NKAIN2: variants seen among roughly 807,000 people sequenced by gnomAD.
NKAIN2 encodes the protein sodium/potassium transporting ATPase interacting 2, also known as sodium/potassium-transporting ATPase subunit beta-1-interacting protein 2.
In NKAIN2, 14 loss-of-function variants were observed where a neutral mutation model predicts 32.6. The observed-to-expected ratio is 0.43, with a 90% CI of 0.28 to 0.67. The LOEUF (loss-of-function observed/expected upper bound fraction) is 0.67. Among genes scored for constraint, NKAIN2 ranks in the 30% least tolerant of loss-of-function variants. NKAIN2 has a pLI of 0.17. For synonymous variants in NKAIN2, 80 were observed against 87.2 expected (o/e 0.92, Z 0.46); for missense variants, 198 against 258.3 (o/e 0.77, Z 1.60).
intron 3 of NKAIN2, among the ~76,000 whole-genome samples, chr6:124,585,599 TTAAA>T (rs1457634941): frequency 6.6e-6 from 1 of 152,198 alleles, no homozygotes; most frequent in East Asian, 1.9e-4. Context: ...GAAAATGTTT[TTAAA>T]TAATAAAAAT....
intron 1 of NKAIN2, among the ~76,000 whole-genome samples, chr6:124,042,337 T>G (rs1781907582): frequency 6.6e-6 from 1 of 152,064 alleles, no homozygotes; most frequent in Non-Finnish European, 1.5e-5. Flanking sequence ...TCAGTGGTAC[T>G]TATACCCCTC....
chr6:124,358,941 A>T (rs1799131029), intron 3 of NKAIN2, among the ~76,000 whole-genome samples: 1 of 150,904 alleles, frequency 6.6e-6, no homozygotes, highest in Non-Finnish European at 1.5e-5. Flanking sequence ...TCTTGAATTA[A>T]TTTTTGTATA....
chr6:124,260,298 G>C (rs556934815), intron 1 of NKAIN2, among the ~76,000 whole-genome samples: 10 of 152,242 alleles, frequency 6.6e-5, no homozygotes, highest in African/African-American at 2.2e-4. Flanking sequence ...TAAAAAAGTA[G>C]CATGCATAGT....
chr6:124,383,263 C>T (rs1772727435), intron 3 of NKAIN2, among the ~76,000 whole-genome samples: 2 of 152,122 alleles, frequency 1.3e-5, no homozygotes, highest in South Asian at 4.1e-4. Context: ...TCTTGGCTGA[C>T]CCACAGATAA....
intron 1 of NKAIN2, among the ~76,000 whole-genome samples, chr6:123,861,062 C>T (rs1332837140): frequency 6.6e-6 from 1 of 152,162 alleles, no homozygotes; most frequent in Non-Finnish European, 1.5e-5. Flanking sequence ...TCGATGGGCT[C>T]CCAAATCTGT....
chr6:124,472,580 CA>C (rs760447790), intron 3 of NKAIN2, among the ~76,000 whole-genome samples: 1 of 151,896 alleles, frequency 6.6e-6, no homozygotes, highest in African/African-American at 2.4e-5. Context: ...GGAAGCTTTT[CA>C]TGCAGACACA....
intron 1 of NKAIN2, among the ~76,000 whole-genome samples, chr6:123,832,720 A>G (rs1774438679): frequency 6.6e-6 from 1 of 152,154 alleles, no homozygotes; most frequent in Non-Finnish European, 1.5e-5. Context: ...TTTCCAGGTG[A>G]TATATGATGT....
At chr6:124,732,551 TAG>T (rs1253767223) in intron 4 of NKAIN2, among the ~76,000 whole-genome samples, 1 of 152,066 alleles carries the variant, frequency 6.6e-6, no homozygotes, top group Non-Finnish European at 1.5e-5. Context: ...CTCCATTTTA[TAG>T]AGAGTGAGAT....
At chr6:123,954,759 G>C (rs372257543) in intron 1 of NKAIN2, among the ~76,000 whole-genome samples, 2 of 152,080 alleles carry the variant, frequency 1.3e-5, no homozygotes, top group Non-Finnish European at 1.5e-5. Context: ...CCTTTCTCTG[G>C]CTTGTTTATT....
At chr6:124,430,794 T>C (rs1202698654) in intron 3 of NKAIN2, among the ~76,000 whole-genome samples, 1 of 152,166 alleles carries the variant, frequency 6.6e-6, no homozygotes, top group Non-Finnish European at 1.5e-5. Flanking sequence ...AGGTGACATA[T>C]ACTCCACCTC....
intron 3 of NKAIN2, among the ~76,000 whole-genome samples, chr6:124,630,990 A>T (rs1272696875): frequency 6.6e-6 from 1 of 152,168 alleles, no homozygotes; most frequent in African/African-American, 2.4e-5. Flanking sequence ...TACAAATGTA[A>T]CTAGCTTTTT....
At chr6:123,810,434 G>A (rs992640665) in intron 1 of NKAIN2, among the ~76,000 whole-genome samples, 2 of 152,072 alleles carry the variant, frequency 1.3e-5, no homozygotes, top group Non-Finnish European at 2.9e-5. Flanking sequence ...AAACCTGACC[G>A]ACTTAGGTAA....
chr6:124,540,679 T>C (rs1779880158), intron 3 of NKAIN2, among the ~76,000 whole-genome samples: 1 of 152,236 alleles, frequency 6.6e-6, no homozygotes, highest in South Asian at 2.1e-4. Flanking sequence ...ATTTGAATTA[T>C]GATTTTTTGA....
intron 1 of NKAIN2, among the ~76,000 whole-genome samples, chr6:123,938,399 TA>T (rs1562267164): frequency 6.1e-4 from 1 of 1,640 alleles, no homozygotes; most frequent in African/African-American, 1.5e-3. Context: ...GCAAGGGTTA[TA>T]TATATATATA....
At chr6:124,428,883 T>A (rs2114557079) in intron 3 of NKAIN2, among the ~76,000 whole-genome samples, 1 of 152,234 alleles carries the variant, frequency 6.6e-6, no homozygotes, top group South Asian at 2.1e-4. Context: ...GGGTAAAGAA[T>A]ATGCATAGCA....
chr6:124,696,961 G>A (rs1774527592), intron 4 of NKAIN2, among the ~76,000 whole-genome samples: 1 of 151,996 alleles, frequency 6.6e-6, no homozygotes, highest in Admixed American at 6.6e-5. Flanking sequence ...CAGTAGCAAA[G>A]AAAACTAAAA....
intron 1 of NKAIN2, among the ~76,000 whole-genome samples, chr6:123,975,973 G>A (rs952716633): frequency 2.6e-5 from 4 of 151,652 alleles, no homozygotes; most frequent in Admixed American, 1.3e-4. Context: ...TCATGGGGGC[G>A]GGTCTTTTCC....
intron 4 of NKAIN2, among the ~76,000 whole-genome samples, chr6:124,661,333 T>G (rs1163780682): frequency 6.6e-6 from 1 of 152,230 alleles, no homozygotes; most frequent in Non-Finnish European, 1.5e-5. Context: ...CTGGCTTAGA[T>G]CTGCTTTCAT....
At chr6:124,108,233 T>C (rs993327461) in intron 1 of NKAIN2, among the ~76,000 whole-genome samples, 4 of 152,206 alleles carry the variant, frequency 2.6e-5, no homozygotes, top group African/African-American at 4.8e-5. Context: ...CAAGGTAATA[T>C]ATGAATAGGT....
Sources: gnomAD v4.1 joint callset for allele counts (sites outside exome capture counted in the v4.1 genomes callset) on GRCh38, gnomAD v4.1.1 for gene constraint, MANE v1.5 for transcripts, NCBI Gene and HGNC (gene_info 2026-07-23, HGNC 2026-07-21) for gene names.